The following DPP10 variants were observed in gnomAD, a reference collection of about 807,000 sequenced individuals.
DPP10 encodes the protein dipeptidyl peptidase like 10.
A neutral mutation model predicts 120.9 loss-of-function variants in DPP10; 33 were observed. The observed-to-expected ratio is 0.27, with a 90% CI of 0.21 to 0.37. The LOEUF is 0.37. Ranked by LOEUF, DPP10 falls within the 10% of genes least tolerant of loss-of-function variation. The probability of loss-of-function intolerance (pLI) is 1.00; values close to 1 mark genes in which losing one functional copy is unlikely to be tolerated. For missense variants in DPP10, 816 were observed against 942.8 expected (o/e 0.87, Z 1.76); for synonymous variants, 337 against 326.1 (o/e 1.03, Z -0.36).
At chr2:115,797,975 G>A (rs942886421) in intron 19 of DPP10, among the ~76,000 whole-genome samples, 23 of 149,422 alleles carry the variant, frequency 1.5e-4, no homozygotes, top group African/African-American at 2.7e-4. Context: ...ATATACACAC[G>A]TATATGCACA....
At chr2:115,365,095 G>C (rs2065003784) in intron 3 of DPP10, among the ~76,000 whole-genome samples, 1 of 151,972 alleles carries the variant, frequency 6.6e-6, no homozygotes, top group Non-Finnish European at 1.5e-5. Flanking sequence ...CAATTACTAA[G>C]GTAAGTTCTT....
chr2:114,940,441 A>C (rs1696809088), intron 1 of DPP10, among the ~76,000 whole-genome samples: 1 of 152,124 alleles, frequency 6.6e-6, no homozygotes. Flanking sequence ...ATTTGACAGC[A>C]GCAGACTTCT....
At chr2:115,663,985 A>T (rs1344553264) in intron 5 of DPP10, among the ~76,000 whole-genome samples, 1 of 147,624 alleles carries the variant, frequency 6.8e-6, no homozygotes, top group Non-Finnish European at 1.5e-5. Flanking sequence ...ACAGAGCGAG[A>T]CTCCATCTCA....
At chr2:115,193,064 T>C (rs190663361) in intron 1 of DPP10, among the ~76,000 whole-genome samples, 2 of 152,152 alleles carry the variant, frequency 1.3e-5, no homozygotes, top group Non-Finnish European at 2.9e-5. Context: ...TTTACTTTCC[T>C]TACACACCTT....
At chr2:114,482,338 T>G (rs1292576674) in intron 1 of DPP10, among the ~76,000 whole-genome samples, 1 of 152,192 alleles carries the variant, frequency 6.6e-6, no homozygotes, top group Non-Finnish European at 1.5e-5. Flanking sequence ...AATCTATTTT[T>G]GCCTATTTAT....
chr2:115,158,852 TA>T (rs2052094867), intron 1 of DPP10, among the ~76,000 whole-genome samples: 1 of 152,184 alleles, frequency 6.6e-6, no homozygotes, highest in African/African-American at 2.4e-5. Context: ...GCTTTGTAAA[TA>T]CATTTTAAAT....
chr2:114,610,545 G>A (rs1693203962), intron 1 of DPP10, among the ~76,000 whole-genome samples: 1 of 152,060 alleles, frequency 6.6e-6, no homozygotes, highest in African/African-American at 2.4e-5. Context: ...AATCACCTCT[G>A]AAGAGGTGCT....
intron 1 of DPP10, among the ~76,000 whole-genome samples, chr2:115,054,648 C>T (rs1705758599): frequency 6.6e-6 from 1 of 152,190 alleles, no homozygotes. Flanking sequence ...GGCGACGGCT[C>T]ATGCCTAGAA....
intron 5 of DPP10, among the ~76,000 whole-genome samples, chr2:115,577,546 T>C (rs2081752209): frequency 6.6e-6 from 1 of 152,224 alleles, no homozygotes; most frequent in Non-Finnish European, 1.5e-5. Flanking sequence ...CTTGTAGTTA[T>C]TATTGCATTA....
intron 1 of DPP10, among the ~76,000 whole-genome samples, chr2:114,797,923 A>G (rs1683858372): frequency 6.6e-6 from 1 of 152,214 alleles, no homozygotes; most frequent in Non-Finnish European, 1.5e-5. Context: ...ACCTTAACCA[A>G]ACCAATAAGG....
At chr2:114,898,283 A>T (rs955319510) in intron 1 of DPP10, among the ~76,000 whole-genome samples, 1 of 145,372 alleles carries the variant, frequency 6.9e-6, no homozygotes. Context: ...TCACTCGTAG[A>T]TGGGAATTGA....
intron 1 of DPP10, among the ~76,000 whole-genome samples, chr2:114,930,387 A>G (rs1350513783): frequency 1.3e-5 from 2 of 152,210 alleles, no homozygotes; most frequent in African/African-American, 2.4e-5. Flanking sequence ...CACTTCTTGA[A>G]GGCTTTGCAC....
chr2:114,464,503 T>C (rs1238987728), intron 1 of DPP10, among the ~76,000 whole-genome samples: 1 of 152,200 alleles, frequency 6.6e-6, no homozygotes, highest in Non-Finnish European at 1.5e-5. Context: ...ATACATATCG[T>C]TTATTAGATA....
chr2:114,510,289 C>T (rs1302186798), intron 1 of DPP10, among the ~76,000 whole-genome samples: 1 of 152,192 alleles, frequency 6.6e-6, no homozygotes, highest in East Asian at 1.9e-4. Flanking sequence ...AGGATTGTTA[C>T]ACCTCACAGG....
intron 3 of DPP10, among the ~76,000 whole-genome samples, chr2:115,355,494 C>A (rs2106326192): frequency 6.6e-6 from 1 of 152,188 alleles, no homozygotes. Context: ...AATTGTCTCC[C>A]ATTTTGAAGG....
intron 5 of DPP10, among the ~76,000 whole-genome samples, chr2:115,556,296 G>T (rs1158141996): frequency 1.5e-4 from 22 of 150,918 alleles, no homozygotes; most frequent in Non-Finnish European, 3.2e-4. Flanking sequence ...GGCCCAGGAT[G>T]ACTTTGAATG....
chr2:115,782,774 T>C (rs764611601), intron 17 of DPP10, among the ~76,000 whole-genome samples: 26 of 152,136 alleles, frequency 1.7e-4, no homozygotes, highest in African/African-American at 2.4e-4. Context: ...TTCAGAAAAT[T>C]ATGAAAAATG....
intron 1 of DPP10, among the ~76,000 whole-genome samples, chr2:114,908,724 C>T (rs575479949): frequency 3.7e-4 from 56 of 151,740 alleles, no homozygotes; most frequent in African/African-American, 1.3e-3. Context: ...TTACCAGATG[C>T]TTTTTCTACA....
intron 1 of DPP10, among the ~76,000 whole-genome samples, chr2:115,009,740 C>T (rs1016665768): frequency 9.2e-5 from 14 of 152,106 alleles, no homozygotes; most frequent in African/African-American, 2.9e-4. Flanking sequence ...CACACCTGCA[C>T]GTTCTGCACA....
Sources: gnomAD v4.1 joint callset for allele counts (sites outside exome capture counted in the v4.1 genomes callset) on GRCh38, gnomAD v4.1.1 for gene constraint, MANE v1.5 for transcripts, NCBI Gene and HGNC (gene_info 2026-07-23, HGNC 2026-07-21) for gene names.